EMB: variants seen among roughly 807,000 people sequenced by gnomAD.
EMB encodes the protein embigin.
EMB carries 31 observed loss-of-function variants against 41.4 expected under a neutral mutation model. That is an observed-to-expected ratio of 0.75 (90% CI 0.56 to 1.01). The LOEUF is 1.01. EMB is among the 50% of genes least tolerant of loss of function. The probability of loss-of-function intolerance (pLI) is 0.00; values close to 1 mark genes in which losing one functional copy is unlikely to be tolerated. For synonymous variants in EMB, 137 were observed against 140.4 expected (o/e 0.98, Z 0.17); for missense variants, 379 against 388.3 (o/e 0.98, Z 0.20).
At chr5:50,411,564 C>CT (rs1745338716) in intron 2 of EMB, 181 bp from the exon 3 acceptor site, 1 of 466,722 alleles carries the variant, frequency 2.1e-6, no homozygotes, top group African/African-American at 2.0e-5. Flanking sequence ...ATATGCACAC[C>CT]TAAAGAAAAG....
chr5:50,429,196 C>A (rs908204552), intron 1 of EMB, among the ~76,000 whole-genome samples: 2 of 152,166 alleles, frequency 1.3e-5, no homozygotes, highest in Admixed American at 6.6e-5. Context: ...ACCTGGCCAA[C>A]AACATGGCCT....
In EMB at chr5:50,410,884, A is replaced by G. The variant is rs770721668; in HGVS notation, c.465T>C (p.Asn155=). The change falls in exon 4 of 9, where the codon AAT becomes AAC. Residue 155 remains asparagine (N), a synonymous_variant. Coordinates refer to ENST00000303221, the MANE Select transcript of EMB (RefSeq NM_198449.3). ...REEKEQRGTF[N]FKVPELHGKN... ...CAAGTTATTAATACTGACCTTTGAA[A>G]TTAAATGTTCCCCTTTGTTCCTTTT... The G allele has an allele frequency of 6.3e-7, 1 of 1,592,444 alleles. No individual in the cohort carries two copies. Among genetic ancestry groups the G allele is most frequent in the African/African-American group, 1.4e-5 (1 of 73,888 alleles).
intron 1 of EMB, among the ~76,000 whole-genome samples, chr5:50,436,272 A>G (rs1034725922): frequency 2.6e-5 from 4 of 152,186 alleles, no homozygotes; most frequent in Non-Finnish European, 4.4e-5. Flanking sequence ...AAGTAAAGAG[A>G]TAGGGATTTA....
At chr5:50,409,473 G>A (rs959337730) in intron 4 of EMB, among the ~76,000 whole-genome samples, 1 of 151,998 alleles carries the variant, frequency 6.6e-6, no homozygotes, top group Non-Finnish European at 1.5e-5. Context: ...GAATCTGTAG[G>A]CCTTCTTTAC....
intron 2 of EMB, among the ~76,000 whole-genome samples, chr5:50,413,940 C>T (rs13184466): frequency 1.3e-5 from 2 of 151,534 alleles, no homozygotes; most frequent in African/African-American, 4.9e-5. Context: ...GTTTGGGGCA[C>T]CTGAAGATTA....
intron 1 of EMB, among the ~76,000 whole-genome samples, chr5:50,434,672 T>C (rs554333434): frequency 1.2e-3 from 176 of 152,276 alleles, no homozygotes; most frequent in African/African-American, 4.1e-3. Context: ...TGGTTTGGGA[T>C]TAGGGACACA....
rs752209701 is a variant in EMB, at chr5:50,410,980, A to G, written c.384-15T>C. The G allele has an allele frequency of 2.1e-5, 32 of 1,549,058 alleles. No individual in the cohort carries two copies. The South Asian group carries it at 3.1e-4, about 15-fold the overall frequency. ...TGATGGTGAACCTAAAGATAATTCA[A>G]GTTATTAATATAGGCTTAGTTCTCA... On this transcript the variant is annotated splice_polypyrimidine_tract_variant and intron_variant, in intron 3 of 8. Coordinates refer to ENST00000303221, the MANE Select transcript of EMB (RefSeq NM_198449.3).
At chr5:50,432,750 TAA>T (rs35639181) in intron 1 of EMB, among the ~76,000 whole-genome samples, 164 of 98,910 alleles carry the variant, frequency 1.7e-3, no homozygotes, top group Middle Eastern at 0.011. Context: ...GAAAAACAAG[TAA>T]AAAAAAAAAA....
chr5:50,440,526 T>C (rs1207211136), intron 1 of EMB, among the ~76,000 whole-genome samples: 7 of 37,508 alleles, frequency 1.9e-4, no homozygotes, highest in Admixed American at 4.3e-4. Context: ...AGAGTAAAAC[T>C]CCGTCTCAAA....
At chr5:50,401,503 A>G (rs1436322287) in intron 7 of EMB, among the ~76,000 whole-genome samples, 2 of 151,942 alleles carry the variant, frequency 1.3e-5, no homozygotes, top group Non-Finnish European at 2.9e-5. Context: ...CCTGGACTCC[A>G]GCCCTTGGCT....
chr5:50,431,099 T>C (rs1382398635), intron 1 of EMB, among the ~76,000 whole-genome samples: 2 of 152,204 alleles, frequency 1.3e-5, no homozygotes, highest in African/African-American at 4.8e-5. Context: ...CACCAGTACC[T>C]TAACTTCATA....
chr5:50,433,998 TCTC>T (rs1745764513), intron 1 of EMB, among the ~76,000 whole-genome samples: 1 of 152,180 alleles, frequency 6.6e-6, no homozygotes, highest in African/African-American at 2.4e-5. Context: ...TCTGTTCAAA[TCTC>T]CTTCTCCTTT....
chr5:50,430,930 T>C (rs1459561056), intron 1 of EMB, among the ~76,000 whole-genome samples: 1 of 152,132 alleles, frequency 6.6e-6, no homozygotes, highest in Non-Finnish European at 1.5e-5. Context: ...TTTGGCAGAA[T>C]CTAAGCTGAT....
intron 4 of EMB, among the ~76,000 whole-genome samples, chr5:50,408,033 C>A (rs1745275945): frequency 6.6e-6 from 1 of 151,976 alleles, no homozygotes; most frequent in African/African-American, 2.4e-5. Flanking sequence ...AGAATGCTAA[C>A]TATACTTCAA....
chr5:50,408,433 G>A (rs961950411), intron 4 of EMB, among the ~76,000 whole-genome samples: 63 of 151,934 alleles, frequency 4.1e-4, no homozygotes, highest in African/African-American at 1.4e-3. Flanking sequence ...CATCAAGAGC[G>A]AAACACATAA....
intron 2 of EMB, among the ~76,000 whole-genome samples, chr5:50,412,323 T>A (rs1330778653): frequency 6.6e-6 from 1 of 151,856 alleles, no homozygotes; most frequent in Non-Finnish European, 1.5e-5. Context: ...ATACAAATTA[T>A]TTTGAGCAGA....
rs1745331969 is a variant in EMB, at chr5:50,411,237, G to C, written c.343C>G (p.Leu115Val). 6.2e-7 allele frequency: 1 copy of C among 1,612,698 alleles called. No homozygotes were observed. The highest frequency in any genetic ancestry group is 1.3e-5 in the African/African-American group (1 of 74,972). ...KDGEQLENNY[L>V]VSATGSTLYT... is the part of the protein sequence containing the mutation. ...AAGGTGCTTCCTGTTGCACTGACAA[G>C]ATAATTATTCTCAAGTTGTTCACCA... The change falls in exon 3 of 9, where the codon CTT becomes GTT. Residue 115 changes from leucine (L) to valine (V), a missense_variant. Coordinates refer to ENST00000303221, the MANE Select transcript of EMB (RefSeq NM_198449.3).
At chr5:50,412,730 G>A (rs367682525) in intron 2 of EMB, among the ~76,000 whole-genome samples, 19 of 151,980 alleles carry the variant, frequency 1.3e-4, no homozygotes, top group East Asian at 3.9e-4. Context: ...TTTAATTCGC[G>A]GAGCCTGAAA....
At chr5:50,417,917 G>A (rs192269321) in intron 2 of EMB, among the ~76,000 whole-genome samples, 1 of 152,276 alleles carries the variant, frequency 6.6e-6, no homozygotes, top group African/African-American at 2.4e-5. Context: ...GATGCTAGTT[G>A]AATTTCACTA....
Sources: allele counts gnomAD v4.1 joint callset (sites outside exome capture counted in the v4.1 genomes callset), GRCh38; gene constraint gnomAD v4.1.1; transcripts MANE v1.5; gene names NCBI Gene and HGNC (gene_info 2026-07-23, HGNC 2026-07-21).